A1CF: variants seen among roughly 807,000 people sequenced by gnomAD.
The protein encoded by A1CF is APOBEC1 complementation factor, also known as APOBEC-1 stimulating protein.
Under a neutral mutation model 68.9 loss-of-function variants are expected in A1CF, and 48 were observed. The ratio of observed to expected loss-of-function variants is 0.70; its 90% CI spans 0.55 to 0.89. The LOEUF (loss-of-function observed/expected upper bound fraction) is 0.89, where lower values mean the gene tolerates loss of function less well. A1CF is among the 40% of genes least tolerant of loss of function. The probability of loss-of-function intolerance (pLI) is 0.00; values close to 1 mark genes in which losing one functional copy is unlikely to be tolerated. For synonymous variants in A1CF, 272 were observed against 260.4 expected (o/e 1.04, Z -0.43); for missense variants, 653 against 718.9 (o/e 0.91, Z 1.05).
Position 50,811,033 on chromosome 10 carries a change from T to TA in A1CF, c.1460+6dup, listed in dbSNP as rs749278448. On this transcript the variant is annotated splice_region_variant and intron_variant, in intron 11 of 12. Coordinates refer to ENST00000373997, the MANE Select transcript of A1CF (RefSeq NM_014576.4). ...AAAATGGTAAGGAATTTGGAGAAGT[T>TA]ACGCACATTGCAGGATTCTGGCTGG... The TA allele has an allele frequency of 6.2e-7, 1 of 1,610,494 alleles. No homozygotes were observed. The highest frequency in any genetic ancestry group is 2.2e-5 in the East Asian group (1 of 44,770).
At chr10:50,876,394 A>G (rs1841514200) in intron 1 of A1CF, among the ~76,000 whole-genome samples, 1 of 152,216 alleles carries the variant, frequency 6.6e-6, no homozygotes, top group East Asian at 1.9e-4. Flanking sequence ...AATACTCATA[A>G]GTGCTCTGTC....
intron 1 of A1CF, among the ~76,000 whole-genome samples, chr10:50,867,214 T>C (rs752806590): frequency 6.6e-6 from 1 of 152,018 alleles, no homozygotes; most frequent in Non-Finnish European, 1.5e-5. Flanking sequence ...AAAACATACC[T>C]GCACTCATAT....
rs556339797 is a variant in A1CF, at chr10:50,810,659, C to A, written c.1460+381G>T. On this transcript the variant is annotated intron_variant, in intron 11 of 12. Transcript: ENST00000373997. The stretch of plus-strand genomic sequence containing the variant: ...TATGACTACAGGCGCCTGCCTGTAC[C>A]GGCTACTACATCCGGCTAATTTTTG... 1.5e-4 allele frequency among the ~76,000 whole-genome samples: 23 copies of A among 152,246 alleles called. No homozygotes were observed. The East Asian group carries it at 4.1e-3, about 27-fold the overall frequency.
intron 12 of A1CF, among the ~76,000 whole-genome samples, chr10:50,808,285 G>A (rs1837930888): frequency 6.6e-6 from 1 of 152,070 alleles, no homozygotes; most frequent in Admixed American, 6.6e-5. Flanking sequence ...CAGATTCTTA[G>A]GCATTCCCAA....
chr10:50,880,243 C>A (rs191621332), intron 1 of A1CF, among the ~76,000 whole-genome samples: 1 of 152,154 alleles, frequency 6.6e-6, no homozygotes, highest in Non-Finnish European at 1.5e-5. Context: ...CCAGACTGCC[C>A]GGACTCACTC....
intron 12 of A1CF, among the ~76,000 whole-genome samples, chr10:50,808,930 T>G (rs1172796282): frequency 6.6e-6 from 1 of 151,970 alleles, no homozygotes; most frequent in African/African-American, 2.4e-5. Context: ...TACTTAGAGC[T>G]CTAATTTGGA....
At chr10:50,836,931 G>A (rs1054636043) in intron 5 of A1CF, among the ~76,000 whole-genome samples, 1 of 151,912 alleles carries the variant, frequency 6.6e-6, no homozygotes, top group Non-Finnish European at 1.5e-5. Context: ...TTCAAGAGTT[G>A]TCAATCCTCA....
chr10:50,842,049 G>A (rs1839808289), intron 4 of A1CF, 57 bp from the exon 5 acceptor site: 3 of 1,470,056 alleles, frequency 2.0e-6, no homozygotes, highest in East Asian at 2.3e-5. Context: ...CTGAATGTAT[G>A]TGTGCATGTG....
chr10:50,839,105 CACAG>C (rs1839655148), intron 5 of A1CF, among the ~76,000 whole-genome samples: 2 of 152,114 alleles, frequency 1.3e-5, no homozygotes, highest in Admixed American at 1.3e-4. Flanking sequence ...ATCTCTATTT[CACAG>C]ACAAAGACAC....
At chr10:50,872,476 T>A (rs1457930984) in intron 1 of A1CF, among the ~76,000 whole-genome samples, 1 of 152,098 alleles carries the variant, frequency 6.6e-6, no homozygotes, top group Non-Finnish European at 1.5e-5. Context: ...TCCTAATTAC[T>A]AATTTTACTT....
intron 1 of A1CF, among the ~76,000 whole-genome samples, chr10:50,885,065 C>A (rs936362643): frequency 6.6e-6 from 1 of 151,804 alleles, no homozygotes; most frequent in Non-Finnish European, 1.5e-5. Context: ...TAATGGCAGG[C>A]GGAATCGCAA....
At chr10:50,838,627 A>G (rs889712216) in intron 5 of A1CF, among the ~76,000 whole-genome samples, 5 of 152,188 alleles carry the variant, frequency 3.3e-5, no homozygotes, top group African/African-American at 9.7e-5. Flanking sequence ...TCTAGAAGCC[A>G]GACATTTAGA....
rs545123559 is a variant in A1CF at position 50,865,493 on chromosome 10, C to G, written c.-93-1413G>C. Among the ~76,000 whole-genome samples the G allele has an allele frequency of 2.6e-5, 4 of 152,198 alleles. No individual in the cohort carries two copies. The South Asian group carries it at 8.3e-4, about 32-fold the overall frequency. ...ATATCATTTTAATTATTATAATTAT[C>G]AATCTCTAACTCCAAGAGGCAGAAT... On this transcript the variant is annotated intron_variant, in intron 1 of 12. Coordinates refer to ENST00000373997, the MANE Select transcript of A1CF (RefSeq NM_014576.4).
At position 50,805,070 on chromosome 10, in the gene A1CF, G is replaced by A. The variant is rs1046260225; in HGVS notation, c.*1659C>T. 2.0e-5 allele frequency: 3 copies of A among 152,196 alleles called. No homozygotes were observed. The highest frequency in any genetic ancestry group is 7.2e-5 in the African/African-American group (3 of 41,454). The allele number at this position is 152,196 out of a possible 1,614,324, so 9.4% of individuals were successfully genotyped here. ...TTTCAGCTGTAGCCTTGGAGGCTTT[G>A]TTATCTCATTGGAGTTAGGACAACT... On this transcript the variant is annotated 3_prime_UTR_variant, in exon 13 of 13. Coordinates refer to ENST00000373997, the MANE Select transcript of A1CF (RefSeq NM_014576.4).
rs1351324724 is a variant in A1CF, at chr10:50,803,369, C to G, written c.*3360G>C. 1 of 152,080 alleles carries G rather than the reference C, an allele frequency of 6.6e-6. No individual in the cohort carries two copies. The highest frequency in any genetic ancestry group is 2.4e-5 in the African/African-American group (1 of 41,298). 9.4% of individuals were successfully genotyped at this position (152,080 alleles called of 1,614,324 possible). A position where few individuals can be genotyped will look rare whatever the true frequency, so the allele number is the denominator to read the frequency against. ...CCTCCTGCCTTGGCCTCCCAAAGTACTGGGGTTATAGGCATGGGCCACTGT... is the reference window on the plus strand; with the variant it reads ...CCTCCTGCCTTGGCCTCCCAAAGTAGTGGGGTTATAGGCATGGGCCACTGT... On this transcript the variant is annotated 3_prime_UTR_variant, in exon 13 of 13. Coordinates refer to ENST00000373997, the MANE Select transcript of A1CF (RefSeq NM_014576.4).
intron 6 of A1CF, among the ~76,000 whole-genome samples, chr10:50,833,389 C>T (rs1170409573): frequency 2.6e-5 from 4 of 152,148 alleles, no homozygotes. Context: ...AGAATCACTG[C>T]CAGGACTTTT....
chr10:50,809,949 A>C lies in A1CF; in HGVS notation c.1554T>G (p.Thr518=). Residue 518 remains threonine (T), a synonymous_variant, in exon 12 of 13, where the codon ACT becomes ACG. Coordinates refer to ENST00000373997, the MANE Select transcript of A1CF (RefSeq NM_014576.4). ...TAGCCATGGTGCCATCGCCTCCATC[A>C]GTGGGGATGCCCAGGGTCTGCAGGG... ...EYTLQTLGIP[T]DGGDGTMATA... 1.2e-6 allele frequency: 2 copies of C among 1,614,048 alleles called. No homozygotes were observed. The highest frequency in any genetic ancestry group is 1.1e-5 in the South Asian group (1 of 91,080).
intron 5 of A1CF, among the ~76,000 whole-genome samples, chr10:50,840,301 G>T (rs569650575): frequency 6.7e-6 from 1 of 150,364 alleles, no homozygotes; most frequent in African/African-American, 2.4e-5. Flanking sequence ...TCATTTGTCG[G>T]CTTATCACTG....
At chr10:50,826,671 A>G (rs921970617) in intron 7 of A1CF, among the ~76,000 whole-genome samples, 3 of 152,218 alleles carry the variant, frequency 2.0e-5, no homozygotes, top group African/African-American at 4.8e-5. Context: ...CAGCGACTGC[A>G]AAAACATGCC....
Sources: gnomAD v4.1 joint callset for allele counts (sites outside exome capture counted in the v4.1 genomes callset) on GRCh38, gnomAD v4.1.1 for gene constraint, MANE v1.5 for transcripts, NCBI Gene and HGNC (gene_info 2026-07-23, HGNC 2026-07-21) for gene names.